SLC25A21: variants seen among roughly 807,000 people sequenced by gnomAD.
SLC25A21 encodes the protein mitochondrial 2-oxodicarboxylate carrier.
SLC25A21 carries 47 observed loss-of-function variants against 43.8 expected under a neutral mutation model. The ratio of observed to expected loss-of-function variants is 1.07; its 90% CI spans 0.85 to 1.37. The LOEUF is 1.37. SLC25A21 is among the 40% of genes most tolerant of loss of function. SLC25A21 has a pLI of 0.00. For missense variants in SLC25A21, 352 were observed against 350.2 expected (o/e 1.00, Z -0.04); for synonymous variants, 131 against 121.3 (o/e 1.08, Z -0.52).
chr14:36,799,542 A>T (rs919200867), intron 3 of SLC25A21, among the ~76,000 whole-genome samples: 2 of 152,224 alleles, frequency 1.3e-5, no homozygotes, highest in Non-Finnish European at 2.9e-5. Context: ...GCCCTAACTG[A>T]TGTCACCAAC....
chr14:36,760,788 A>G (rs1030582344), intron 3 of SLC25A21, among the ~76,000 whole-genome samples: 9 of 152,118 alleles, frequency 5.9e-5, no homozygotes, highest in African/African-American at 2.2e-4. Context: ...ACCCCCCAGG[A>G]GAGGGCTTTA....
chr14:36,788,637 A>T (rs1234864597), intron 3 of SLC25A21: 1 of 151,192 alleles, frequency 6.6e-6, no homozygotes, highest in African/African-American at 2.4e-5. Context: ...TTTAGCACTT[A>T]AACGGCATCT....
At chr14:37,168,628 A>G (rs951339042) in intron 1 of SLC25A21, among the ~76,000 whole-genome samples, 2 of 151,960 alleles carry the variant, frequency 1.3e-5, no homozygotes, top group Admixed American at 1.3e-4. Context: ...GTCTTTCCCC[A>G]GGATTTTGGA....
chr14:36,850,648 T>A lies in SLC25A21; in HGVS notation c.119+24308A>T, dbSNP rs140566462. Among the ~76,000 whole-genome samples the A allele has an allele frequency of 2.0e-3, 306 of 152,312 alleles. 1 individual carries two copies. Among genetic ancestry groups the A allele is most frequent in the Non-Finnish European group, 3.2e-3 (221 of 68,018 alleles). On this transcript the variant is annotated intron_variant, in intron 2 of 9. Transcript: ENST00000331299. ...AAGTAGTTGATAGTCCATTACATGT[T>A]ATAACATGTTATTTTCTCCATATTA...
intron 1 of SLC25A21, among the ~76,000 whole-genome samples, chr14:36,998,487 A>G (rs1373068925): frequency 2.0e-5 from 3 of 152,170 alleles, no homozygotes; most frequent in African/African-American, 7.2e-5. Flanking sequence ...GCTTGCCATT[A>G]AGCAGAAAGG....
At chr14:36,977,784 G>T (rs1423316603) in intron 1 of SLC25A21, among the ~76,000 whole-genome samples, 5 of 152,094 alleles carry the variant, frequency 3.3e-5, no homozygotes, top group African/African-American at 9.7e-5. Flanking sequence ...AGCTGAAAAA[G>T]ATTTTATATC....
At chr14:37,150,437 A>G (rs1963739503) in intron 1 of SLC25A21, among the ~76,000 whole-genome samples, 1 of 152,202 alleles carries the variant, frequency 6.6e-6, no homozygotes, top group Admixed American at 6.5e-5. Flanking sequence ...TCATATACAT[A>G]AACCCATTTT....
chr14:37,092,869 T>C (rs1566875577), intron 1 of SLC25A21, among the ~76,000 whole-genome samples: 1 of 152,044 alleles, frequency 6.6e-6, no homozygotes, highest in African/African-American at 2.4e-5. Flanking sequence ...AAGAGAATTC[T>C]GATATATTTA....
chr14:36,687,873 T>C (rs1484182114), intron 7 of SLC25A21, among the ~76,000 whole-genome samples: 1 of 152,182 alleles, frequency 6.6e-6, no homozygotes, highest in Admixed American at 6.5e-5. Context: ...ATATCAGGGT[T>C]CTCTTTTTAG....
intron 1 of SLC25A21, among the ~76,000 whole-genome samples, chr14:37,155,574 T>C (rs1051501522): frequency 1.3e-5 from 2 of 152,020 alleles, no homozygotes; most frequent in Non-Finnish European, 2.9e-5. Context: ...GAAAACTCCA[T>C]CAAACTAACA....
At chr14:36,709,765 A>T (rs1406895511) in intron 7 of SLC25A21, among the ~76,000 whole-genome samples, 2 of 152,170 alleles carry the variant, frequency 1.3e-5, no homozygotes, top group Non-Finnish European at 2.9e-5. Flanking sequence ...AACAGGTACA[A>T]CTAACTTTAC....
In SLC25A21 at chr14:36,711,341, T is replaced by C; in HGVS notation, c.580A>G (p.Lys194Glu). The change falls in exon 7 of 10, where the codon AAA (lysine) becomes GAA (glutamate). Residue 194 changes from lysine (K) to glutamate (E), a missense_variant. Transcript: ENST00000331299. ...MVYFGFYYNVKNMIPVNKDPI... is the reference protein window; with the variant it reads ...MVYFGFYYNVENMIPVNKDPI... The stretch of plus-strand genomic sequence containing the variant: ...ACCTTATTGACAGGAATCATGTTTT[T>C]GACATTGTAGTAGAAGCCAAAATAA... The C allele has an allele frequency of 6.2e-7, 1 of 1,613,958 alleles. No individual in the cohort carries two copies. Among genetic ancestry groups the C allele is most frequent in the Non-Finnish European group, 8.5e-7 (1 of 1,179,972 alleles).
chr14:36,949,695 T>C (rs1356062018), intron 1 of SLC25A21, among the ~76,000 whole-genome samples: 1 of 152,216 alleles, frequency 6.6e-6, no homozygotes, highest in Non-Finnish European at 1.5e-5. Context: ...ATATCAAGTT[T>C]AAGTTTATAT....
intron 1 of SLC25A21, among the ~76,000 whole-genome samples, chr14:37,061,017 A>G (rs1008220076): frequency 6.6e-6 from 1 of 152,172 alleles, no homozygotes; most frequent in African/African-American, 2.4e-5. Context: ...CAGTTCTCAC[A>G]GGAAGTGAAT....
chr14:37,051,180 C>A (rs185764260), intron 1 of SLC25A21, among the ~76,000 whole-genome samples: 1 of 152,192 alleles, frequency 6.6e-6, no homozygotes, highest in Non-Finnish European at 1.5e-5. Flanking sequence ...TAAGTCTAAG[C>A]ACCGCATAAA....
At chr14:37,144,172 A>G (rs1336224589) in intron 1 of SLC25A21, among the ~76,000 whole-genome samples, 1 of 152,220 alleles carries the variant, frequency 6.6e-6, no homozygotes, top group Non-Finnish European at 1.5e-5. Flanking sequence ...AAGGACTGAC[A>G]GATTCTATTT....
At chr14:37,094,590 A>G (rs536924302) in intron 1 of SLC25A21, among the ~76,000 whole-genome samples, 50 of 152,284 alleles carry the variant, frequency 3.3e-4, no homozygotes, top group Non-Finnish European at 6.5e-4. Context: ...ATACACATAC[A>G]TACTTACATT....
intron 1 of SLC25A21, among the ~76,000 whole-genome samples, chr14:37,095,235 C>G (rs1034770754): frequency 7.2e-5 from 11 of 152,114 alleles, no homozygotes; most frequent in Non-Finnish European, 1.3e-4. Context: ...CTACACTATT[C>G]GGCCAGGCGT....
chr14:36,959,895 G>A (rs1959446037), intron 1 of SLC25A21, among the ~76,000 whole-genome samples: 1 of 152,168 alleles, frequency 6.6e-6, no homozygotes, highest in Admixed American at 6.5e-5. Flanking sequence ...GAAACAAGCT[G>A]GAGTCCTCCT....
Sources: allele counts gnomAD v4.1 joint callset (sites outside exome capture counted in the v4.1 genomes callset), GRCh38; gene constraint gnomAD v4.1.1; transcripts MANE v1.5; gene names NCBI Gene and HGNC (gene_info 2026-07-23, HGNC 2026-07-21).